GUCY2F: variants seen among roughly 807,000 people sequenced by gnomAD.
GUCY2F encodes the protein guanylate cyclase 2F, retinal.
GUCY2F carries 61 observed loss-of-function variants against 73.1 expected under a neutral mutation model. The observed-to-expected ratio is 0.83, with a 90% CI of 0.68 to 1.03. The LOEUF is 1.03. Ranked by LOEUF, GUCY2F falls within the 50% of genes least tolerant of loss-of-function variation. The pLI, the probability that GUCY2F is intolerant of heterozygous loss-of-function variation, is 0.00. For missense variants in GUCY2F, 912 were observed against 854.3 expected (o/e 1.07, Z -0.84); for synonymous variants, 331 against 307.8 (o/e 1.08, Z -0.79).
intron 15 of GUCY2F, among the ~76,000 whole-genome samples, chrX:109,385,718 A>G (rs1018912544): frequency 8.9e-6 from 1 of 112,413 alleles, no homozygotes; most frequent in Non-Finnish European, 1.9e-5. Flanking sequence ...CAAGAGAATT[A>G]TTCTAAAACA....
intron 8 of GUCY2F, among the ~76,000 whole-genome samples, chrX:109,413,563 C>G (rs1010585587): frequency 2.7e-5 from 3 of 110,903 alleles, no homozygotes; most frequent in African/African-American, 9.9e-5. Context: ...TGCCACTACA[C>G]TCAGCTAATT....
At chrX:109,460,715 T>A (rs1932346431) in intron 3 of GUCY2F, among the ~76,000 whole-genome samples, 1 of 111,516 alleles carries the variant, frequency 9.0e-6, no homozygotes, top group Non-Finnish European at 1.9e-5. Flanking sequence ...GTTTAAGAAT[T>A]ATGAAAATAG....
In GUCY2F at chrX:109,393,019, T is replaced by C. The variant is rs1457367395; in HGVS notation, c.2461A>G (p.Ile821Val). The change falls in exon 13 of 20, where the codon ATT (isoleucine) becomes GTT (valine). Residue 821 changes from isoleucine to valine, a missense_variant. By Grantham distance (29) the Ile-to-Val change is conservative. Transcript: ENST00000218006. ...TFNKGKKTNI[I>V]DSMLRMLEQY... is the part of the protein sequence containing the mutation. ...TCCAACATCCGAAGCATAGAATCAA[T>C]AATATTGGTCTTCTTCCCTTTATTA... 8.9e-7 allele frequency: 1 copy of C among 1,122,383 alleles called. No individual in the cohort carries two copies. Among genetic ancestry groups the C allele is most frequent in the South Asian group, 1.8e-5 (1 of 54,526 alleles). The allele number at this position is 1,122,383 out of a possible 1,213,427, so 92.5% of individuals were successfully genotyped here.
At chrX:109,406,399 G>A (rs897135747) in intron 9 of GUCY2F, among the ~76,000 whole-genome samples, 3 of 111,926 alleles carry the variant, frequency 2.7e-5, no homozygotes, top group African/African-American at 9.8e-5. Flanking sequence ...ATCTGGGAAT[G>A]AGCACTTTCC....
intron 8 of GUCY2F, among the ~76,000 whole-genome samples, chrX:109,422,079 T>C (rs1382147936): frequency 1.8e-5 from 2 of 111,788 alleles, no homozygotes; most frequent in Non-Finnish European, 3.8e-5. Context: ...TGGGATAGGA[T>C]AAATTACTGA....
At chrX:109,388,453 A>T (rs1231224554) in intron 15 of GUCY2F, 36 bp downstream of exon 15, 1 of 1,068,038 alleles carries the variant, frequency 9.4e-7, no homozygotes, top group Admixed American at 2.2e-5. Flanking sequence ...CTAGAGGCGC[A>T]TTAGAATGTT....
At position 109,436,530 on chromosome X, in the gene GUCY2F, C is replaced by T. The variant is rs1167752089; in HGVS notation, c.1701+4821G>A. On this transcript the variant is annotated intron_variant, in intron 7 of 19. Transcript: ENST00000218006. The stretch of plus-strand genomic sequence containing the variant: ...ATTCACAATAGCAAAGACTTGGAAC[C>T]AACCCAAATGTCCAACAATGATAGA... Among the ~76,000 whole-genome samples, 3 of 111,654 alleles carry T rather than the reference C, an allele frequency of 2.7e-5. No homozygotes were observed. In the Admixed American group the frequency reaches 2.9e-4, roughly 11 times the overall value.
rs1045104528 is a variant in GUCY2F at position 109,373,610 on chromosome X, T to G, written c.*2-611A>C. Among the ~76,000 whole-genome samples the G allele has an allele frequency of 4.5e-5, 5 of 112,253 alleles. No homozygotes were observed. In the East Asian group the frequency reaches 8.4e-4, roughly 19 times the overall value. ...TATCCCAAGCCTGCCAGTGTGACCC[T>G]CTATTCTTCAAAACTGCCAACTTCC... On this transcript the variant is annotated intron_variant, in intron 19 of 19. Coordinates refer to ENST00000218006, the MANE Select transcript of GUCY2F (RefSeq NM_001522.3).
At chrX:109,467,287 G>A (rs1265357862) in intron 2 of GUCY2F, among the ~76,000 whole-genome samples, 1 of 112,144 alleles carries the variant, frequency 8.9e-6, no homozygotes, top group East Asian at 2.8e-4. Context: ...AATTAGTATA[G>A]TCATAGGTCC....
intron 19 of GUCY2F, among the ~76,000 whole-genome samples, chrX:109,375,521 G>A (rs1196894878): frequency 8.9e-6 from 1 of 112,259 alleles, no homozygotes; most frequent in African/African-American, 3.2e-5. Flanking sequence ...TACTGCTATT[G>A]CCTAGACAGA....
intron 6 of GUCY2F, among the ~76,000 whole-genome samples, chrX:109,446,730 C>T (rs781380556): frequency 3.5e-4 from 39 of 111,939 alleles, no homozygotes; most frequent in African/African-American, 1.3e-3. Context: ...GACTTCATGT[C>T]TAAAACACCA....
At chrX:109,373,334 G>T (rs376729512) in intron 19 of GUCY2F, among the ~76,000 whole-genome samples, 42 of 111,648 alleles carry the variant, frequency 3.8e-4, no homozygotes, top group Middle Eastern at 4.6e-3. Context: ...TAGTAACAGT[G>T]CTATATGTGT....
At chrX:109,374,687 G>C (rs1342469736) in intron 19 of GUCY2F, among the ~76,000 whole-genome samples, 1 of 111,375 alleles carries the variant, frequency 9.0e-6, no homozygotes, top group Admixed American at 9.5e-5. Flanking sequence ...GTGTCTGTCT[G>C]TGTCAGAGGT....
chrX:109,376,039 T>C, intron 18 of GUCY2F, 40 bp downstream of exon 18: 6 of 1,156,870 alleles, frequency 5.2e-6, no homozygotes, highest in Middle Eastern at 2.4e-4. Flanking sequence ...TGGCAGAGTA[T>C]GGCATAGGAA....
In GUCY2F at chrX:109,395,369, C is replaced by T. The variant is rs199848919; in HGVS notation, c.2396G>A (p.Arg799Gln). Residue 799 changes from arginine to glutamine, a missense_variant, in exon 12 of 20, where the codon CGA becomes CAA. Transcript: ENST00000218006. ...GTTAAATATTTCATCAAAAGTTGGT[C>T]GTTGTTCTGCAGCCTCAGCCCAGCA... The part of the protein sequence containing the change: ...KQCWAEAAEQ[R>Q]PTFDEIFNQF... 43 of 1,206,302 alleles carry T rather than the reference C, an allele frequency of 3.6e-5. No homozygotes were observed. Among genetic ancestry groups the T allele is most frequent in the Admixed American group, 3.5e-4 (16 of 45,731 alleles).
chrX:109,381,073 A>G (rs1930295818), intron 17 of GUCY2F, among the ~76,000 whole-genome samples: 1 of 112,057 alleles, frequency 8.9e-6, no homozygotes, highest in Admixed American at 9.4e-5. Context: ...GGAAGATACT[A>G]ATGACCTATT....
At chrX:109,384,753 G>A (rs944105035) in intron 16 of GUCY2F, among the ~76,000 whole-genome samples, 13 of 111,826 alleles carry the variant, frequency 1.2e-4, no homozygotes, top group Non-Finnish European at 2.4e-4. Flanking sequence ...GCAAACAGCA[G>A]CCAGCTGGGA....
At chrX:109,410,114 T>G (rs1038753916) in intron 8 of GUCY2F, among the ~76,000 whole-genome samples, 1 of 112,057 alleles carries the variant, frequency 8.9e-6, no homozygotes, top group Non-Finnish European at 1.9e-5. Flanking sequence ...GAGTCGGCAT[T>G]GACTGCTGAT....
chrX:109,420,203 A>G (rs767650245), intron 8 of GUCY2F, among the ~76,000 whole-genome samples: 3 of 97,642 alleles, frequency 3.1e-5, no homozygotes, highest in African/African-American at 1.1e-4. Context: ...GGACTAGACA[A>G]GGATTTCTTA....
Sources: gnomAD v4.1 joint callset for allele counts (sites outside exome capture counted in the v4.1 genomes callset) on GRCh38, gnomAD v4.1.1 for gene constraint, MANE v1.5 for transcripts, NCBI Gene and HGNC (gene_info 2026-07-23, HGNC 2026-07-21) for gene names.